KRABD5: variants seen among roughly 807,000 people sequenced by gnomAD.
KRABD5 encodes the protein KRAB domain-containing protein 5.
At chr16:31,723,740 G>A in the KRABD5 span, among the ~76,000 whole-genome samples, 3 of 152,296 alleles carry the variant, frequency 2.0e-5, no homozygotes, top group Non-Finnish European at 4.4e-5. Flanking sequence ...TGTGTGAGGC[G>A]AGTGATGGAC....
At chr16:31,759,515 T>G in the KRABD5 span, 2 of 1,212,980 alleles carry the variant, frequency 1.6e-6, no homozygotes, top group Non-Finnish European at 2.4e-6. Context: ...ACAGTTAAGG[T>G]TTATGCCTTG....
the KRABD5 span, chr16:31,733,625 T>C: frequency 4.4e-6 from 2 of 456,034 alleles, no homozygotes; most frequent in African/African-American, 2.0e-5. Flanking sequence ...GTAGATACTT[T>C]ATGTAAGTGT....
chr16:31,754,712 AGATGT>A, the KRABD5 span: 1 of 458,646 alleles, frequency 2.2e-6, no homozygotes, highest in Admixed American at 2.3e-5. Flanking sequence ...AAAGTCACAC[AGATGT>A]AATAATGGTG....
the KRABD5 span, among the ~76,000 whole-genome samples, chr16:31,740,939 G>A: frequency 6.6e-6 from 1 of 152,284 alleles, no homozygotes; most frequent in South Asian, 2.1e-4. Context: ...AATGAGCATA[G>A]TGCCTAATAG....
At chr16:31,728,139 G>A in the KRABD5 span, among the ~76,000 whole-genome samples, 1 of 152,320 alleles carries the variant, frequency 6.6e-6, no homozygotes. Context: ...ACAAGCATGA[G>A]GAAGTGCACC....
the KRABD5 span, chr16:31,757,821 T>C: frequency 3.4e-5 from 5 of 146,488 alleles, no homozygotes; most frequent in African/African-American, 1.3e-4. Flanking sequence ...TGAATAGATA[T>C]AAAGATAGGT....
At chr16:31,759,400 G>A in the KRABD5 span, 1 of 1,538,310 alleles carries the variant, frequency 6.5e-7, no homozygotes, top group African/African-American at 1.4e-5. Context: ...GATAATCTCT[G>A]CTTGAGAAAA....
At chr16:31,754,580 T>C in the KRABD5 span, 1 of 500,190 alleles carries the variant, frequency 2.0e-6, no homozygotes, top group Non-Finnish European at 3.9e-6. Flanking sequence ...CTTTCATGAA[T>C]GCACCAACCA....
chr16:31,752,454 G>A, the KRABD5 span, among the ~76,000 whole-genome samples: 2 of 152,014 alleles, frequency 1.3e-5, no homozygotes, highest in Admixed American at 6.6e-5. Flanking sequence ...TCGGTGCTCC[G>A]AAGTTTGGTG....
the KRABD5 span, among the ~76,000 whole-genome samples, chr16:31,746,312 G>A: frequency 6.6e-6 from 1 of 152,062 alleles, no homozygotes; most frequent in Non-Finnish European, 1.5e-5. Flanking sequence ...CAGGCATGGT[G>A]GTAATGAAAT....
the KRABD5 span, chr16:31,714,440 G>A: frequency 4.4e-6 from 2 of 456,144 alleles, no homozygotes; most frequent in Non-Finnish European, 4.4e-6. Flanking sequence ...GCACTCCCCA[G>A]AAGGCGTGCA....
At chr16:31,733,970 T>G in the KRABD5 span, among the ~76,000 whole-genome samples, 1 of 152,230 alleles carries the variant, frequency 6.6e-6, no homozygotes, top group African/African-American at 2.4e-5. Context: ...CCTTTGATAT[T>G]ATATCCAAAA....
At chr16:31,739,934 A>G in the KRABD5 span, among the ~76,000 whole-genome samples, 7 of 152,258 alleles carry the variant, frequency 4.6e-5, no homozygotes, top group African/African-American at 1.7e-4. Context: ...CTCCTGCTAC[A>G]GATAACTAGC....
the KRABD5 span, among the ~76,000 whole-genome samples, chr16:31,736,635 A>C: frequency 6.6e-6 from 1 of 150,790 alleles, no homozygotes; most frequent in Non-Finnish European, 1.5e-5. Flanking sequence ...GTCCTGCCTC[A>C]GCCTCCCAAG....
chr16:31,716,993 CTTTGTTT>C, the KRABD5 span, among the ~76,000 whole-genome samples: 5 of 113,386 alleles, frequency 4.4e-5, no homozygotes, highest in African/African-American at 1.3e-4. Context: ...GTCAGTCAGT[CTTTGTTT>C]TTTTTTTTTT....
the KRABD5 span, among the ~76,000 whole-genome samples, chr16:31,730,837 T>C: frequency 6.6e-6 from 1 of 152,262 alleles, no homozygotes; most frequent in East Asian, 1.9e-4. Context: ...TTAGATTTTT[T>C]CAGTTCTTTC....
At chr16:31,755,247 G>A in the KRABD5 span, 61 of 482,876 alleles carry the variant, frequency 1.3e-4, no homozygotes, top group Middle Eastern at 3.2e-4. Flanking sequence ...TCTTTTTCTC[G>A]TTCCTCAAGT....
chr16:31,745,437 A>T, the KRABD5 span, among the ~76,000 whole-genome samples: 1 of 152,006 alleles, frequency 6.6e-6, no homozygotes, highest in East Asian at 1.9e-4. Flanking sequence ...GTTTTGAGTG[A>T]GTTTCTTAAT....
At chr16:31,743,905 A>C in the KRABD5 span, among the ~76,000 whole-genome samples, 5 of 152,120 alleles carry the variant, frequency 3.3e-5, no homozygotes, top group African/African-American at 1.2e-4. Flanking sequence ...GAGTTTATTC[A>C]TGATTTAACT....
Sources: gnomAD v4.1 joint callset for allele counts (sites outside exome capture counted in the v4.1 genomes callset) on GRCh38, gnomAD v4.1.1 for gene constraint, MANE v1.5 for transcripts, NCBI Gene and HGNC (gene_info 2026-07-23, HGNC 2026-07-21) for gene names.